MRRF: variants seen among roughly 807,000 people sequenced by gnomAD.
The protein encoded by MRRF is ribosome-recycling factor, mitochondrial.
Under a neutral mutation model 25.1 loss-of-function variants are expected in MRRF, and 18 were observed. The observed-to-expected ratio is 0.72, with a 90% CI of 0.50 to 1.06. The LOEUF (loss-of-function observed/expected upper bound fraction) is 1.06, where lower values mean the gene tolerates loss of function less well. Ranked by LOEUF, MRRF falls within the 50% of genes least tolerant of loss-of-function variation. The probability of loss-of-function intolerance (pLI) is 0.00; values close to 1 mark genes in which losing one functional copy is unlikely to be tolerated. For missense variants in MRRF, 323 were observed against 319.3 expected, an observed-to-expected ratio of 1.01 and a Z score of -0.09; for synonymous variants, 113 against 112.1, an observed-to-expected ratio of 1.01 and a Z score of -0.05.
intron 6 of MRRF, among the ~76,000 whole-genome samples, chr9:122,316,997 G>C (rs927350340): frequency 1.8e-4 from 27 of 151,324 alleles, no homozygotes; most frequent in Non-Finnish European, 2.8e-4. Context: ...GTGGTGTGCT[G>C]TTCACTTTCA....
In MRRF at chr9:122,328,975, C is replaced by T. The variant is rs1253434708; in HGVS notation, c.*6358C>T. ...CAGCTGTGCCCGAAGATCCCTTTCT[C>T]TTACATTCCTTTCTTCTGGTCTGTG... On this transcript the variant is annotated 3_prime_UTR_variant, in exon 7 of 7. Transcript: ENST00000344641. The T allele has an allele frequency of 2.0e-5, 3 of 152,150 alleles. No individual in the cohort carries two copies. The allele number at this position is 152,150 out of a possible 1,614,324, so 9.4% of individuals were successfully genotyped here.
intron 2 of MRRF, among the ~76,000 whole-genome samples, chr9:122,276,407 T>C (rs1832779154): frequency 1.3e-5 from 2 of 152,206 alleles, no homozygotes; most frequent in African/African-American, 4.8e-5. Flanking sequence ...CCTCTCGCCT[T>C]GGCCTTCCAG....
At chr9:122,267,184 G>A (rs1410615082) in intron 1 of MRRF, among the ~76,000 whole-genome samples, 1 of 151,906 alleles carries the variant, frequency 6.6e-6, no homozygotes, top group Admixed American at 6.6e-5. Flanking sequence ...TTTGAGACCA[G>A]CCTGGCCAAC....
chr9:122,322,072 A>G (rs1052437028), intron 6 of MRRF, among the ~76,000 whole-genome samples: 49 of 152,290 alleles, frequency 3.2e-4, no homozygotes, highest in Middle Eastern at 6.8e-3. Flanking sequence ...AAAAGAATGT[A>G]TATATAGGCC....
chr9:122,265,136 C>T (rs1171186173), intron 1 of MRRF, among the ~76,000 whole-genome samples, 198 bp downstream of exon 1: 2 of 152,114 alleles, frequency 1.3e-5, no homozygotes, highest in African/African-American at 4.8e-5. Context: ...CTCCTTTTAC[C>T]AGCTAGGAAT....
At chr9:122,315,324 T>C (rs936524184) in intron 6 of MRRF, among the ~76,000 whole-genome samples, 29 of 152,152 alleles carry the variant, frequency 1.9e-4, no homozygotes, top group African/African-American at 6.8e-4. Flanking sequence ...TCTCAGGTAA[T>C]TGTGTAAAAG....
intron 2 of MRRF, among the ~76,000 whole-genome samples, chr9:122,273,181 G>T (rs1442001611): frequency 1.3e-5 from 2 of 152,178 alleles, no homozygotes; most frequent in Non-Finnish European, 2.9e-5. Context: ...GCCAGGAGTG[G>T]TGGCCCACGC....
At chr9:122,322,221 G>A (rs988569433) in intron 6 of MRRF, among the ~76,000 whole-genome samples, 25 of 152,052 alleles carry the variant, frequency 1.6e-4, no homozygotes, top group African/African-American at 5.1e-4. Context: ...AAATTAGCCG[G>A]GCGCGGTGGC....
At position 122,324,548 on chromosome 9, in the gene MRRF, G is replaced by A. The variant is rs935516909; in HGVS notation, c.*1931G>A. The A allele has an allele frequency of 2.6e-5, 4 of 152,160 alleles. No homozygotes were observed. The highest frequency in any genetic ancestry group is 4.8e-5 in the African/African-American group (2 of 41,432). 9.4% of individuals were successfully genotyped at this position (152,160 alleles called of 1,614,324 possible). A position where few individuals can be genotyped will look rare whatever the true frequency, so the allele number is the denominator to read the frequency against. ...TGGGAAAGATATGACCCCTGTTTTG[G>A]GGGGGTACATAGTGCACTGAACTAA... On this transcript the variant is annotated 3_prime_UTR_variant, in exon 7 of 7. Transcript: ENST00000344641.
intron 6 of MRRF, among the ~76,000 whole-genome samples, chr9:122,318,552 T>G (rs531342959): frequency 6.6e-6 from 1 of 152,310 alleles, no homozygotes; most frequent in African/African-American, 2.4e-5. Context: ...TGTTTTGAGC[T>G]AGGCCTCAGG....
At chr9:122,281,874 G>A (rs762520231) in intron 3 of MRRF, among the ~76,000 whole-genome samples, 3 of 152,154 alleles carry the variant, frequency 2.0e-5, no homozygotes, top group African/African-American at 4.8e-5. Flanking sequence ...GGAGATTCTC[G>A]CTGGGGACAG....
chr9:122,309,538 A>G (rs1324889422), intron 5 of MRRF, among the ~76,000 whole-genome samples: 1 of 152,094 alleles, frequency 6.6e-6, no homozygotes, highest in East Asian at 1.9e-4. Context: ...CAGTATCTCC[A>G]CATTTAGTTC....
intron 5 of MRRF, among the ~76,000 whole-genome samples, chr9:122,299,076 A>G (rs1205877828): frequency 1.3e-5 from 2 of 152,010 alleles, no homozygotes; most frequent in African/African-American, 4.8e-5. Context: ...TGCCTGTAGC[A>G]GAGTGAGTGA....
intron 5 of MRRF, among the ~76,000 whole-genome samples, chr9:122,301,514 A>G (rs1834457715): frequency 6.6e-6 from 1 of 152,126 alleles, no homozygotes; most frequent in Non-Finnish European, 1.5e-5. Flanking sequence ...ATCATAGAAT[A>G]TTTACTTTTG....
intron 6 of MRRF, among the ~76,000 whole-genome samples, chr9:122,315,836 A>G (rs987965902): frequency 2.6e-5 from 4 of 151,296 alleles, no homozygotes; most frequent in African/African-American, 7.3e-5. Flanking sequence ...AGAGCCCACA[A>G]CTCCTGAAAG....
At chr9:122,312,950 G>C (rs1024056006) in intron 5 of MRRF, among the ~76,000 whole-genome samples, 1 of 152,180 alleles carries the variant, frequency 6.6e-6, no homozygotes, top group Admixed American at 6.5e-5. Flanking sequence ...GATTAGAAGA[G>C]TAGCAGAAAG....
intron 5 of MRRF, among the ~76,000 whole-genome samples, chr9:122,295,635 G>A (rs554832347): frequency 9.0e-4 from 137 of 152,094 alleles, no homozygotes; most frequent in Admixed American, 2.4e-3. Context: ...TAGTAGAGAC[G>A]GGATTTCACC....
chr9:122,292,285 G>A (rs1833826752), intron 5 of MRRF, among the ~76,000 whole-genome samples: 1 of 152,132 alleles, frequency 6.6e-6, no homozygotes, highest in African/African-American at 2.4e-5. Context: ...CTAGGGGAGA[G>A]CATTTTGGGC....
intron 6 of MRRF, among the ~76,000 whole-genome samples, chr9:122,318,690 C>T (rs188597916): frequency 7.2e-5 from 11 of 152,226 alleles, no homozygotes; most frequent in South Asian, 4.1e-4. Context: ...ATGATGGTGA[C>T]GATGTTATCA....
Sources: gnomAD v4.1 joint callset for allele counts (sites outside exome capture counted in the v4.1 genomes callset) on GRCh38, gnomAD v4.1.1 for gene constraint, MANE v1.5 for transcripts, NCBI Gene and HGNC (gene_info 2026-07-23, HGNC 2026-07-21) for gene names.